Variants in ERC2 observed in about 807,000 individuals in gnomAD.
ERC2 encodes ELKS/RAB6-interacting/CAST family member 2, also known as ERC protein 2.
ERC2 carries 42 observed loss-of-function variants against 114.8 expected under a neutral mutation model. The ratio of observed to expected loss-of-function variants is 0.37; its 90% CI spans 0.29 to 0.47. ERC2 has a LOEUF of 0.47. ERC2 is among the 20% of genes least tolerant of loss of function. The probability of loss-of-function intolerance (pLI) is 0.99; values close to 1 mark genes in which losing one functional copy is unlikely to be tolerated. For synonymous variants in ERC2, 454 were observed against 425.5 expected (o/e 1.07, Z -0.82); for missense variants, 939 against 1,150.7 (o/e 0.82, Z 2.66).
intron 1 of ERC2, among the ~76,000 whole-genome samples, chr3:56,435,798 C>T (rs377245206): frequency 5.3e-5 from 8 of 152,358 alleles, no homozygotes; most frequent in African/African-American, 1.9e-4. Flanking sequence ...AAAGAGGTAG[C>T]TCAACCAATG....
Position 55,866,476 on chromosome 3 carries a change from C to A in ERC2, c.2564+21913G>T, listed in dbSNP as rs187576453. 2.7e-4 allele frequency among the ~76,000 whole-genome samples: 41 copies of A among 152,134 alleles called. 1 individual carries two copies. In the East Asian group the frequency reaches 7.3e-3, roughly 27 times the overall value. The stretch of plus-strand genomic sequence containing the variant: ...AAAAGTTTTTAATTTTGATGAAGTC[C>A]AATTTATCACATTTTTCTTTAGTTA... On this transcript the variant is annotated intron_variant, in intron 14 of 17. Transcript: ENST00000288221.
chr3:55,794,101 C>T (rs1208773762), intron 14 of ERC2, among the ~76,000 whole-genome samples: 1 of 152,186 alleles, frequency 6.6e-6, no homozygotes, highest in Non-Finnish European at 1.5e-5. Flanking sequence ...ATGGCACCCT[C>T]TTTTATTGGG....
intron 15 of ERC2, among the ~76,000 whole-genome samples, chr3:55,731,414 T>C (rs2065246119): frequency 6.6e-6 from 1 of 152,238 alleles, no homozygotes; most frequent in South Asian, 2.1e-4. Flanking sequence ...AATAGCAGCT[T>C]ACACATATGA....
chr3:55,860,643 G>A (rs945754863), intron 14 of ERC2, among the ~76,000 whole-genome samples: 11 of 152,126 alleles, frequency 7.2e-5, no homozygotes, highest in African/African-American at 2.4e-4. Flanking sequence ...TTCTGCTGAA[G>A]CCTGCTTAAA....
intron 12 of ERC2, among the ~76,000 whole-genome samples, chr3:55,962,713 G>A (rs1228824689): frequency 1.3e-5 from 2 of 152,196 alleles, no homozygotes; most frequent in South Asian, 4.1e-4. Context: ...TGAGGGAACC[G>A]TCGAAAGTTA....
In ERC2 at chr3:55,575,667, T is replaced by G. The variant is rs554795326; in HGVS notation, c.*40-64391A>C. ...GAGGGCTCCCCACCAGCCACCATGA[T>G]CCCTGTAGGTTGCCCTGGCTCCAGG... On this transcript the variant is annotated intron_variant, in intron 17 of 17. Transcript: ENST00000288221. 3.3e-5 allele frequency among the ~76,000 whole-genome samples: 5 copies of G among 152,260 alleles called. No homozygotes were observed. The South Asian group carries it at 1.0e-3, about 32-fold the overall frequency.
chr3:55,788,596 G>T (rs533077347), intron 14 of ERC2, among the ~76,000 whole-genome samples: 1 of 152,206 alleles, frequency 6.6e-6, no homozygotes, highest in East Asian at 1.9e-4. Context: ...GCCTAGGAGA[G>T]GGTCCCTTTG....
intron 3 of ERC2, among the ~76,000 whole-genome samples, chr3:56,289,726 G>T (rs987501600): frequency 7.2e-5 from 11 of 152,162 alleles, no homozygotes; most frequent in African/African-American, 2.7e-4. Context: ...GTTCTACCGT[G>T]GATGAAGCCA....
chr3:56,355,288 T>C (rs2058702093), intron 2 of ERC2, among the ~76,000 whole-genome samples: 2 of 151,730 alleles, frequency 1.3e-5, no homozygotes, highest in African/African-American at 4.8e-5. Context: ...ATTTCACCTT[T>C]TTTTTTCTTG....
intron 2 of ERC2, among the ~76,000 whole-genome samples, chr3:56,381,222 A>G (rs2059738227): frequency 6.6e-6 from 1 of 152,202 alleles, no homozygotes; most frequent in African/African-American, 2.4e-5. Flanking sequence ...CAATATTTTT[A>G]AAGTATTATA....
chr3:56,403,044 A>G (rs9824429), intron 2 of ERC2, among the ~76,000 whole-genome samples: 77,378 of 151,856 alleles, frequency 0.51, 20,961 homozygotes, highest in East Asian at 0.67. Context: ...GTCCTTGGGG[A>G]AGCAAAACTG....
chr3:55,833,967 C>G (rs1421792309), intron 14 of ERC2, among the ~76,000 whole-genome samples: 1 of 151,358 alleles, frequency 6.6e-6, no homozygotes, highest in African/African-American at 2.4e-5. Context: ...ATCCTAGTCT[C>G]TGATAAAACA....
intron 7 of ERC2, among the ~76,000 whole-genome samples, chr3:56,043,395 T>C (rs1019104719): frequency 6.6e-6 from 1 of 152,206 alleles, no homozygotes; most frequent in African/African-American, 2.4e-5. Context: ...TAGCTATATA[T>C]GTTATATAGC....
chr3:55,841,573 A>G (rs2061135216), intron 14 of ERC2, among the ~76,000 whole-genome samples: 1 of 152,172 alleles, frequency 6.6e-6, no homozygotes, highest in South Asian at 2.1e-4. Context: ...TACAGAAGGT[A>G]CCTTTTACTA....
At position 55,971,080 on chromosome 3, in the gene ERC2, G is replaced by C. The variant is rs192583052; in HGVS notation, c.2267+14897C>G. Among the ~76,000 whole-genome samples the C allele has an allele frequency of 1.2e-4, 18 of 152,192 alleles. No homozygotes were observed. In the East Asian group the frequency reaches 3.5e-3, roughly 29 times the overall value. ...ACATTATGCTAAGTAAAAGAAGTCAGTCACACAAAAACACATAATATATAA... is the reference window on the plus strand; with the variant it reads ...ACATTATGCTAAGTAAAAGAAGTCACTCACACAAAAACACATAATATATAA... On this transcript the variant is annotated intron_variant, in intron 12 of 17. Coordinates refer to ENST00000288221, the MANE Select transcript of ERC2 (RefSeq NM_015576.3).
intron 6 of ERC2, among the ~76,000 whole-genome samples, chr3:56,083,325 T>C (rs1292484937): frequency 1.3e-5 from 2 of 152,202 alleles, no homozygotes; most frequent in African/African-American, 2.4e-5. Flanking sequence ...TTTCCATTTC[T>C]GTGAAATTCT....
At position 56,434,834 on chromosome 3, in the gene ERC2, C is replaced by T. The variant is rs767315107; in HGVS notation, c.174G>A (p.Thr58=). The change falls in exon 2 of 18, where the codon ACG becomes ACA. Residue 58 remains threonine, a synonymous_variant. Transcript: ENST00000288221. ...NIQSLNAAYA[T]SGPMYLSDHE... Reference sequence around the variant, plus strand: ...GATCACTCAGATACATGGGTCCAGACGTAGCATAGGCTGCATTGAGGGACT... The same window carrying T: ...GATCACTCAGATACATGGGTCCAGATGTAGCATAGGCTGCATTGAGGGACT... 12 of 1,613,912 alleles carry T rather than the reference C, an allele frequency of 7.4e-6. No homozygotes were observed. Among genetic ancestry groups the T allele is most frequent in the East Asian group, 2.2e-5 (1 of 44,858 alleles).
At chr3:56,372,695 A>G (rs1576639775) in intron 2 of ERC2, among the ~76,000 whole-genome samples, 1 of 152,110 alleles carries the variant, frequency 6.6e-6, no homozygotes, top group Non-Finnish European at 1.5e-5. Flanking sequence ...ACCACTGCAC[A>G]CCAGCCTGGG....
At chr3:56,413,149 G>A (rs9812347) in intron 2 of ERC2, among the ~76,000 whole-genome samples, 8,141 of 152,228 alleles carry the variant, frequency 0.053, 560 homozygotes, top group African/African-American at 0.16. Context: ...AAGGCCCACA[G>A]CTGTGCCCCT....
Sources: gnomAD v4.1 joint callset for allele counts (sites outside exome capture counted in the v4.1 genomes callset) on GRCh38, gnomAD v4.1.1 for gene constraint, MANE v1.5 for transcripts, NCBI Gene and HGNC (gene_info 2026-07-23, HGNC 2026-07-21) for gene names.